WASF2: variants seen among roughly 807,000 people sequenced by gnomAD.
WASF2 encodes the protein actin-binding protein WASF2.
WASF2 carries 14 observed loss-of-function variants against 45.0 expected under a neutral mutation model. The observed-to-expected ratio is 0.31, with a 90% CI of 0.21 to 0.49. The LOEUF is 0.49. WASF2 is among the 20% of genes least tolerant of loss of function. The probability of loss-of-function intolerance (pLI) is 0.99; values close to 1 mark genes in which losing one functional copy is unlikely to be tolerated. For missense variants in WASF2, 439 were observed against 636.1 expected (o/e 0.69, Z 3.33); for synonymous variants, 200 against 236.3 (o/e 0.85, Z 1.41).
Position 27,406,456 on chromosome 1 carries a change from C to T in WASF2, c.*1733G>A, listed in dbSNP as rs1338312402. 1 of 152,772 alleles carries T rather than the reference C, an allele frequency of 6.5e-6. No homozygotes were observed. The highest frequency in any genetic ancestry group is 1.5e-5 in the Non-Finnish European group (1 of 68,164). The allele number at this position is 152,772 out of a possible 1,614,324, so 9.5% of individuals were successfully genotyped here. ...CAGAGGCAGAACCCATGACTATACA[C>T]TCTCTCCTCAAGCCGGAGGGCTTTA... On this transcript the variant is annotated 3_prime_UTR_variant, in exon 9 of 9. Transcript: ENST00000618852.
chr1:27,458,286 C>A (rs1356739975), intron 1 of WASF2, among the ~76,000 whole-genome samples: 1 of 139,112 alleles, frequency 7.2e-6, no homozygotes, highest in Non-Finnish European at 1.5e-5. Context: ...GCCCTCCAGC[C>A]TGGGTGACAG....
At chr1:27,434,360 T>A (rs2017104095) in intron 1 of WASF2, among the ~76,000 whole-genome samples, 1 of 152,230 alleles carries the variant, frequency 6.6e-6, no homozygotes, top group African/African-American at 2.4e-5. Flanking sequence ...ATAAATGGAC[T>A]AAGCTAAACA....
rs976068822 is a variant in WASF2 at position 27,467,670 on chromosome 1, T to C, written c.-44+22316A>G. On this transcript the variant is annotated intron_variant, in intron 1 of 8. Coordinates refer to ENST00000618852, the MANE Select transcript of WASF2 (RefSeq NM_006990.5). ...GCTCACACGTGTAATCCCAGCACTT[T>C]AGGAGGCCGAGGTGGGCGGATCACG... Among the ~76,000 whole-genome samples, 30 of 150,930 alleles carry C rather than the reference T, an allele frequency of 2.0e-4. 1 individual carries two copies. In the Middle Eastern group the frequency reaches 0.01, roughly 52 times the overall value.
intron 1 of WASF2, among the ~76,000 whole-genome samples, chr1:27,467,652 C>T (rs1315335293): frequency 4.6e-5 from 7 of 150,862 alleles, no homozygotes; most frequent in Non-Finnish European, 1.5e-5. Context: ...GTGGCTCACA[C>T]GTGTAATCCC....
At chr1:27,472,404 C>A (rs974768093) in intron 1 of WASF2, among the ~76,000 whole-genome samples, 2 of 151,104 alleles carry the variant, frequency 1.3e-5, no homozygotes, top group African/African-American at 4.9e-5. Context: ...GAGGCTGAGG[C>A]AGGTGGATCA....
chr1:27,456,889 G>A (rs1023643434), intron 1 of WASF2, among the ~76,000 whole-genome samples: 2 of 151,890 alleles, frequency 1.3e-5, no homozygotes, highest in South Asian at 2.1e-4. Flanking sequence ...GCGTCCGTCC[G>A]CCGCCACGCC....
chr1:27,460,456 T>C (rs115925638), intron 1 of WASF2, among the ~76,000 whole-genome samples: 120 of 152,350 alleles, frequency 7.9e-4, no homozygotes, highest in Middle Eastern at 3.4e-3. Flanking sequence ...GATTCAATTA[T>C]AATGAAGCAA....
chr1:27,472,813 A>G (rs1205683647), intron 1 of WASF2, among the ~76,000 whole-genome samples: 1 of 146,996 alleles, frequency 6.8e-6, no homozygotes, highest in Non-Finnish European at 1.5e-5. Flanking sequence ...AAAAAAAAAA[A>G]GGAAGAAAAT....
At chr1:27,448,115 G>T (rs979147535) in intron 1 of WASF2, among the ~76,000 whole-genome samples, 1 of 152,216 alleles carries the variant, frequency 6.6e-6, no homozygotes, top group Non-Finnish European at 1.5e-5. Flanking sequence ...GGCAGCAAAT[G>T]TAAGAAAGTC....
At chr1:27,481,636 G>A (rs1015227152) in intron 1 of WASF2, among the ~76,000 whole-genome samples, 2 of 151,618 alleles carry the variant, frequency 1.3e-5, no homozygotes, top group Non-Finnish European at 2.9e-5. Flanking sequence ...CCTGGGGTGA[G>A]CAGGGAGGGC....
intron 1 of WASF2, among the ~76,000 whole-genome samples, chr1:27,453,762 A>T (rs1052063659): frequency 2.6e-5 from 4 of 151,888 alleles, no homozygotes; most frequent in Non-Finnish European, 5.9e-5. Flanking sequence ...ATGGTGGCAC[A>T]TGCCTGTAAT....
intron 3 of WASF2, among the ~76,000 whole-genome samples, 168 bp from the exon 4 acceptor site, chr1:27,418,590 A>C (rs1483176440): frequency 6.6e-6 from 1 of 152,206 alleles, no homozygotes; most frequent in Non-Finnish European, 1.5e-5. Flanking sequence ...GGCTGTCAGC[A>C]GCCCAGTCGT....
At chr1:27,440,607 G>A (rs2017210761) in intron 1 of WASF2, among the ~76,000 whole-genome samples, 2 of 152,008 alleles carry the variant, frequency 1.3e-5, no homozygotes, top group African/African-American at 2.4e-5. Flanking sequence ...TAGAGACAAG[G>A]TCTCATCATG....
chr1:27,483,282 C>G (rs2017877049), intron 1 of WASF2, among the ~76,000 whole-genome samples: 1 of 152,010 alleles, frequency 6.6e-6, no homozygotes, highest in Non-Finnish European at 1.5e-5. Context: ...CCAGCCTGAC[C>G]AACACGGTGA....
rs1475240993 is a variant in WASF2, at chr1:27,406,978, C to T, written c.*1211G>A. 2 of 152,300 alleles carry T rather than the reference C, an allele frequency of 1.3e-5. No homozygotes were observed. Among genetic ancestry groups the T allele is most frequent in the African/African-American group, 4.8e-5 (2 of 41,460 alleles). The allele number at this position is 152,300 out of a possible 1,614,324, so 9.4% of individuals were successfully genotyped here. ...GCCTATCCCCTTCCTTCTCTCACTA[C>T]TTCTGGTCCCCCAGAGAGGCTGGTC... is the stretch of plus-strand genomic sequence containing the variant. On this transcript the variant is annotated 3_prime_UTR_variant, in exon 9 of 9. Coordinates refer to ENST00000618852, the MANE Select transcript of WASF2 (RefSeq NM_006990.5).
In WASF2 at chr1:27,458,779, C is replaced by T. The variant is rs150163299; in HGVS notation, c.-43-29846G>A. 2.8e-3 allele frequency among the ~76,000 whole-genome samples: 423 copies of T among 150,700 alleles called. 1 individual carries two copies. The highest frequency in any genetic ancestry group is 9.9e-3 in the African/African-American group (407 of 40,980). The stretch of plus-strand genomic sequence containing the variant: ...CTGCACTCCAGCCTCGGTGACAGAG[C>T]GAGATTCTGCCTCAAAAAAAATAAA... On this transcript the variant is annotated intron_variant, in intron 1 of 8. Transcript: ENST00000618852.
chr1:27,487,637 ATATAT>A (rs1420592841), intron 1 of WASF2, among the ~76,000 whole-genome samples: 15 of 80,854 alleles, frequency 1.9e-4, no homozygotes, highest in Middle Eastern at 5.5e-3. Context: ...ACAATATATA[ATATAT>A]ATTATATATT....
At chr1:27,453,364 G>T (rs1361634037) in intron 1 of WASF2, among the ~76,000 whole-genome samples, 1 of 151,998 alleles carries the variant, frequency 6.6e-6, no homozygotes, top group Non-Finnish European at 1.5e-5. Context: ...GGCTGAGGTG[G>T]GTGGATCACT....
chr1:27,468,125 G>A (rs549324660), intron 1 of WASF2, among the ~76,000 whole-genome samples: 1 of 152,082 alleles, frequency 6.6e-6, no homozygotes, highest in South Asian at 2.1e-4. Context: ...TATAGATGGG[G>A]TTTTACCATG....
Sources: gnomAD v4.1 joint callset for allele counts (sites outside exome capture counted in the v4.1 genomes callset) on GRCh38, gnomAD v4.1.1 for gene constraint, MANE v1.5 for transcripts, NCBI Gene and HGNC (gene_info 2026-07-23, HGNC 2026-07-21) for gene names.